Variants in TRAF5 observed in about 807,000 individuals in gnomAD.
TRAF5 encodes the protein TNF receptor associated factor 5.
A neutral mutation model predicts 64.5 loss-of-function variants in TRAF5; 48 were observed. That is an observed-to-expected ratio of 0.74 (90% confidence interval 0.59 to 0.95). TRAF5 has a LOEUF of 0.95. Ranked by LOEUF, TRAF5 falls within the 40% of genes least tolerant of loss-of-function variation. TRAF5 has a pLI of 0.00. For synonymous variants in TRAF5, 206 were observed against 240.5 expected (o/e 0.86, Z 1.33); for missense variants, 545 against 662.8 (o/e 0.82, Z 1.95).
At chr1:211,343,637 C>T (rs1469130650) in intron 1 of TRAF5, among the ~76,000 whole-genome samples, 3 of 152,152 alleles carry the variant, frequency 2.0e-5, no homozygotes, top group Non-Finnish European at 4.4e-5. Context: ...TGTGCTTGGA[C>T]ATAGCCTCAG....
chr1:211,351,179 A>G (rs1454725584), intron 1 of TRAF5, among the ~76,000 whole-genome samples: 1 of 151,748 alleles, frequency 6.6e-6, no homozygotes, highest in African/African-American at 2.4e-5. Context: ...GGCACCTGCC[A>G]CCACGCCTGG....
intron 7 of TRAF5, 99 bp downstream of exon 7, chr1:211,361,261 T>G: frequency 9.2e-7 from 1 of 1,088,792 alleles, no homozygotes; most frequent in Non-Finnish European, 1.4e-6. Flanking sequence ...GAGAAAGACA[T>G]ACAGTTCTGA....
chr1:211,344,310 C>T (rs1702528158), intron 1 of TRAF5, among the ~76,000 whole-genome samples: 1 of 152,200 alleles, frequency 6.6e-6, no homozygotes, highest in Non-Finnish European at 1.5e-5. Context: ...TCACAGTTCT[C>T]TTTAAAGTAA....
At chr1:211,329,043 G>C (rs1434695161) in intron 1 of TRAF5, among the ~76,000 whole-genome samples, 1 of 152,184 alleles carries the variant, frequency 6.6e-6, no homozygotes, top group African/African-American at 2.4e-5. Flanking sequence ...TGAGGGGTCA[G>C]CAAGGGGACC....
In TRAF5 at chr1:211,372,452, A is replaced by G. The variant is rs1349232015; in HGVS notation, c.1424A>G (p.Gln475Arg). The change falls in exon 11 of 11, where the codon CAG (glutamine) becomes CGG (arginine). Residue 475 changes from glutamine (Q) to arginine (R), a missense_variant. Transcript: ENST00000261464. Reference protein sequence around the residue: ...VMRGEFDSLLQWPFRQRVTLM... With the variant: ...VMRGEFDSLLRWPFRQRVTLM... ...CGAGGAGAGTTTGACTCACTGTTGCAGTGGCCATTCAGGCAGAGGGTGACC... is the reference window on the plus strand; with the variant it reads ...CGAGGAGAGTTTGACTCACTGTTGCGGTGGCCATTCAGGCAGAGGGTGACC... The G allele has an allele frequency of 5.6e-6, 9 of 1,614,160 alleles. No homozygotes were observed. The highest frequency in any genetic ancestry group is 6.8e-6 in the Non-Finnish European group (8 of 1,180,022).
intron 1 of TRAF5, among the ~76,000 whole-genome samples, chr1:211,341,424 A>G (rs1350564738): frequency 6.6e-6 from 1 of 152,252 alleles, no homozygotes; most frequent in Admixed American, 6.5e-5. Flanking sequence ...TGATGTGATT[A>G]CAGTTTAGAT....
chr1:211,342,656 A>G (rs1019346744), intron 1 of TRAF5, among the ~76,000 whole-genome samples: 2 of 152,060 alleles, frequency 1.3e-5, no homozygotes, highest in African/African-American at 4.8e-5. Context: ...CCACCCCACA[A>G]CTACCCTTCC....
In TRAF5 at chr1:211,330,369, CTT is replaced by C. The variant is rs60881478; in HGVS notation, c.-2+3492_-2+3493del. ...AACATTCCTGAATTTTTTTCCATGGCTTTTTTTTTTTTTCTCTCAAGGAGAAA... is the reference window on the plus strand; with the variant it reads ...AACATTCCTGAATTTTTTTCCATGGCTTTTTTTTTTTCTCTCAAGGAGAAA... On this transcript the variant is annotated intron_variant, in intron 1 of 10. Coordinates refer to ENST00000261464, the MANE Select transcript of TRAF5 (RefSeq NM_001033910.3). Among the ~76,000 whole-genome samples, 5 of 144,326 alleles carry C rather than the reference CTT, an allele frequency of 3.5e-5. No homozygotes were observed. In the South Asian group the frequency reaches 6.6e-4, roughly 19 times the overall value. 94.7% of individuals were successfully genotyped at this position (144,326 alleles called of 152,430 possible).
At chr1:211,329,630 T>C (rs1015506720) in intron 1 of TRAF5, among the ~76,000 whole-genome samples, 3 of 152,186 alleles carry the variant, frequency 2.0e-5, no homozygotes, top group Non-Finnish European at 2.9e-5. Flanking sequence ...AGGAGGAGGA[T>C]GAGAGAACCA....
chr1:211,333,165 G>A lies in TRAF5; in HGVS notation c.-2+6276G>A, dbSNP rs372240278. Among the ~76,000 whole-genome samples the A allele has an allele frequency of 2.6e-5, 4 of 152,152 alleles. No homozygotes were observed. In the East Asian group the frequency reaches 7.7e-4, roughly 29 times the overall value. ...GTTCAAGCCTTGTTAAATAGCTCTA[G>A]GCCCTTCTTTTTTTTGTTTTGTTTT... is the stretch of plus-strand genomic sequence containing the variant. On this transcript the variant is annotated intron_variant, in intron 1 of 10. Coordinates refer to ENST00000261464, the MANE Select transcript of TRAF5 (RefSeq NM_001033910.3).
intron 10 of TRAF5, among the ~76,000 whole-genome samples, chr1:211,371,890 T>C (rs1449722234): frequency 6.6e-6 from 1 of 152,208 alleles, no homozygotes; most frequent in African/African-American, 2.4e-5. Context: ...GAATGCTCAG[T>C]GTGTCTTCTC....
chr1:211,364,664 C>T (rs1009403280), intron 7 of TRAF5, among the ~76,000 whole-genome samples: 3 of 146,584 alleles, frequency 2.0e-5, no homozygotes, highest in South Asian at 2.2e-4. Context: ...CCAGCCTGGG[C>T]GACAGAGCAA....
At chr1:211,365,561 C>A in intron 8 of TRAF5, 93 bp downstream of exon 8, 2 of 984,972 alleles carry the variant, frequency 2.0e-6, no homozygotes, top group Non-Finnish European at 3.0e-6. Context: ...TCCCCTGTTT[C>A]AGTATAAGTC....
intron 7 of TRAF5, among the ~76,000 whole-genome samples, chr1:211,364,177 G>A (rs1307236811): frequency 1.3e-5 from 2 of 152,090 alleles, no homozygotes; most frequent in African/African-American, 4.8e-5. Flanking sequence ...TGCTTTTACT[G>A]TAATATAGGC....
At chr1:211,340,627 G>A (rs1022601596) in intron 1 of TRAF5, among the ~76,000 whole-genome samples, 2 of 152,296 alleles carry the variant, frequency 1.3e-5, no homozygotes, top group African/African-American at 2.4e-5. Flanking sequence ...TAATGTCTTC[G>A]GGAATATGTC....
intron 2 of TRAF5, 57 bp from the exon 3 acceptor site, chr1:211,354,353 G>A (rs999511852): frequency 1.3e-6 from 2 of 1,564,090 alleles, no homozygotes; most frequent in Non-Finnish European, 1.8e-6. Flanking sequence ...GGCTGGTCTT[G>A]GAAATGCTGT....
intron 3 of TRAF5, among the ~76,000 whole-genome samples, chr1:211,354,743 T>C (rs965558009): frequency 1.3e-5 from 2 of 152,208 alleles, no homozygotes; most frequent in African/African-American, 4.8e-5. Flanking sequence ...TATTTCATTA[T>C]GGTTTTGATT....
intron 1 of TRAF5, among the ~76,000 whole-genome samples, chr1:211,350,004 G>A (rs912029052): frequency 4.6e-5 from 7 of 152,088 alleles, no homozygotes; most frequent in African/African-American, 1.7e-4. Flanking sequence ...AGAGAAAGGT[G>A]GGGCTTGGTT....
rs1214450079 is a variant in TRAF5, at chr1:211,365,397, C to T, written c.718C>T (p.Gln240Ter). 6.2e-7 allele frequency: 1 copy of T among 1,613,726 alleles called. No homozygotes were observed. The highest frequency in any genetic ancestry group is 8.5e-7 in the Non-Finnish European group (1 of 1,179,852). The change falls in exon 8 of 11, where the codon CAA (glutamine) becomes TAA (stop). Residue 240 changes from glutamine to a stop codon, truncating the protein, a stop_gained. Coordinates refer to ENST00000261464, the MANE Select transcript of TRAF5 (RefSeq NM_001033910.3). LOFTEE classifies it high-confidence loss of function. ...GAAGGATAAACGGAGGAACCTGCAGCAACATGAGCATTCAGCCTTACGGGA... is the reference window on the plus strand; with the variant it reads ...GAAGGATAAACGGAGGAACCTGCAGTAACATGAGCATTCAGCCTTACGGGA... Reference protein sequence around the residue: ...AVTDKRRNLQQHEHSALREHM... With the variant: ...AVTDKRRNLQ
Sources: allele counts gnomAD v4.1 joint callset (sites outside exome capture counted in the v4.1 genomes callset), GRCh38; gene constraint gnomAD v4.1.1; transcripts MANE v1.5; gene names NCBI Gene and HGNC (gene_info 2026-07-23, HGNC 2026-07-21).